Variants in CAPN6 observed in about 807,000 individuals in gnomAD.
CAPN6 encodes the protein calpain 6, also known as calpain-6.
CAPN6 carries 16 observed loss-of-function variants against 46.0 expected under a neutral mutation model. The ratio of observed to expected loss-of-function variants is 0.35; its 90% CI spans 0.24 to 0.53. The LOEUF (loss-of-function observed/expected upper bound fraction) is 0.53, where lower values mean the gene tolerates loss of function less well. Among genes scored for constraint, CAPN6 ranks in the 20% least tolerant of loss-of-function variants. The pLI is 0.94. For synonymous variants in CAPN6, 206 were observed against 172.8 expected, an observed-to-expected ratio of 1.19 and a Z score of -1.51; for missense variants, 461 against 498.0, an observed-to-expected ratio of 0.93 and a Z score of 0.71.
chrX:111,248,136 T>A, intron 10 of CAPN6, 144 bp from the exon 11 acceptor site: 1 of 565,490 alleles, frequency 1.8e-6, no homozygotes, highest in Admixed American at 3.1e-5. Context: ...TTATATATAT[T>A]TTAAGCATGC....
chrX:111,255,799 C>T (rs907391776), intron 2 of CAPN6, among the ~76,000 whole-genome samples: 1 of 111,936 alleles, frequency 8.9e-6, no homozygotes, highest in Non-Finnish European at 1.9e-5. Flanking sequence ...CATCCCTCTG[C>T]CAAAAGGAGA....
intron 4 of CAPN6, 46 bp from the exon 5 acceptor site, chrX:111,252,545 G>T: frequency 9.7e-7 from 1 of 1,029,899 alleles, no homozygotes; most frequent in Non-Finnish European, 1.3e-6. Context: ...TGTTTTTCCA[G>T]GTCAAGAACA....
Position 111,251,039 on chromosome X carries a change from G to A in CAPN6, c.1036C>T (p.Pro346Ser). The change falls in exon 8 of 13, where the codon CCT (proline) becomes TCT (serine). Residue 346 changes from proline to serine, a missense_variant. By Grantham distance (74) the Pro-to-Ser change is moderately conservative (BLOSUM62 -1). Transcript: ENST00000324068. Reference sequence around the variant, plus strand: ...TCCAGCTCCTTTCGGCCAAAAATAGGGTTGTTCACATTGCGGCAGACATTC... The same window carrying A: ...TCCAGCTCCTTTCGGCCAAAAATAGAGTTGTTCACATTGCGGCAGACATTC... ...KLNVCRNVNN[P>S]IFGRKELESV... 8.3e-7 allele frequency: 1 copy of A among 1,211,464 alleles called. No individual in the cohort carries two copies. Among genetic ancestry groups the A allele is most frequent in the Non-Finnish European group, 1.1e-6 (1 of 895,407 alleles).
Position 111,254,280 on chromosome X carries a change from A to G in CAPN6, c.289T>C (p.Trp97Arg). ...FSCLAVQESH[W>R]TKTIPNHKEQ... ...CACAGGAGGGATAATACCTTTGTCCAATGAGACTCCTGAACAGCCAAACAG... is the reference window on the plus strand; with the variant it reads ...CACAGGAGGGATAATACCTTTGTCCGATGAGACTCCTGAACAGCCAAACAG... Residue 97 changes from tryptophan to arginine, a missense_variant, in exon 3 of 13, where the codon TGG becomes CGG. By Grantham distance (101) the Trp-to-Arg change is moderately radical. Transcript: ENST00000324068. 1 of 1,207,633 alleles carries G rather than the reference A, an allele frequency of 8.3e-7. No homozygotes were observed.
chrX:111,264,031 CG>C (rs930408206), intron 1 of CAPN6, 80 bp from the exon 2 acceptor site: 33 of 627,179 alleles, frequency 5.3e-5, no homozygotes, highest in Non-Finnish European at 7.3e-5. Flanking sequence ...GACAAACAGC[CG>C]TCATCCCAGT....
intron 2 of CAPN6, among the ~76,000 whole-genome samples, chrX:111,258,915 A>C (rs1219635989): frequency 3.6e-5 from 4 of 112,606 alleles, no homozygotes; most frequent in Non-Finnish European, 7.5e-5. Context: ...TCTTGAGAAC[A>C]TTATGCTAAG....
At chrX:111,265,545 AG>A (rs2094991130) in intron 1 of CAPN6, among the ~76,000 whole-genome samples, 2 of 112,168 alleles carry the variant, frequency 1.8e-5, no homozygotes, top group African/African-American at 6.5e-5. Flanking sequence ...GGATGGTATC[AG>A]TAAAAATTTT....
chrX:111,259,334 G>A (rs1269504984), intron 2 of CAPN6, among the ~76,000 whole-genome samples: 1 of 112,579 alleles, frequency 8.9e-6, no homozygotes, highest in Non-Finnish European at 1.9e-5. Flanking sequence ...CTCACATGGG[G>A]TGATATAGTC....
intron 11 of CAPN6, 89 bp from the exon 12 acceptor site, chrX:111,247,593 G>A (rs1569480591): frequency 1.0e-6 from 1 of 960,750 alleles, no homozygotes; most frequent in Non-Finnish European, 1.4e-6. Flanking sequence ...CCAATTCTGG[G>A]ACTTTCAGCA....
intron 3 of CAPN6, among the ~76,000 whole-genome samples, chrX:111,254,063 G>A (rs1262163174): frequency 8.9e-6 from 1 of 112,049 alleles, no homozygotes; most frequent in Non-Finnish European, 1.9e-5. Context: ...GAATCTAGGT[G>A]GGTATATGAG....
At chrX:111,268,744 A>T (rs1311741194) in intron 1 of CAPN6, among the ~76,000 whole-genome samples, 4 of 112,617 alleles carry the variant, frequency 3.6e-5, no homozygotes, top group African/African-American at 1.3e-4. Context: ...TCAAGAATCA[A>T]ATTCTGATTT....
intron 4 of CAPN6, 33 bp from the exon 5 acceptor site, chrX:111,252,532 A>T (rs2094980503): frequency 8.9e-7 from 1 of 1,127,139 alleles, no homozygotes; most frequent in Non-Finnish European, 1.2e-6. Context: ...ATCTTTGTAA[A>T]ATTGTTTTTC....
Position 111,251,159 on chromosome X carries a change from T to G in CAPN6, c.971+50A>C, listed in dbSNP as rs367681454. Reference sequence around the variant, plus strand: ...AGATGGTATTTAATACTTAACACTGTAGTTCCATGTAGAAGCCCCAATTCC... The same window carrying G: ...AGATGGTATTTAATACTTAACACTGGAGTTCCATGTAGAAGCCCCAATTCC... On this transcript the variant is annotated intron_variant, in intron 7 of 12. Coordinates refer to ENST00000324068, the MANE Select transcript of CAPN6 (RefSeq NM_014289.4). 22 of 1,198,483 alleles carry G rather than the reference T, an allele frequency of 1.8e-5. No individual in the cohort carries two copies. In the African/African-American group the frequency reaches 3.7e-4, roughly 20 times the overall value.
chrX:111,261,527 C>T (rs905518736), intron 2 of CAPN6, among the ~76,000 whole-genome samples: 1 of 112,428 alleles, frequency 8.9e-6, no homozygotes, highest in South Asian at 3.7e-4. Flanking sequence ...TTCAGCCTCT[C>T]TCTCTGATTT....
chrX:111,251,790 A>G lies in CAPN6; in HGVS notation c.700-48T>C, dbSNP rs759914782. The G allele has an allele frequency of 1.5e-5, 15 of 1,016,433 alleles. No individual in the cohort carries two copies. In the East Asian group the frequency reaches 3.7e-4, roughly 25 times the overall value. The allele number at this position is 1,016,433 out of a possible 1,213,427, so 83.8% of individuals were successfully genotyped here. Reference sequence around the variant, plus strand: ...AAAGGCACAGGAATTGGGAGACCCAATCCTGACTCCTCTTCTTCATTAATT... The same window carrying G: ...AAAGGCACAGGAATTGGGAGACCCAGTCCTGACTCCTCTTCTTCATTAATT... On this transcript the variant is annotated intron_variant, in intron 5 of 12. Coordinates refer to ENST00000324068, the MANE Select transcript of CAPN6 (RefSeq NM_014289.4).
In CAPN6 at chrX:111,246,488, C is replaced by A. The variant is rs1473257127; in HGVS notation, c.*89G>T. The A allele has an allele frequency of 6.6e-6, 5 of 762,114 alleles. No individual in the cohort carries two copies. Among genetic ancestry groups the A allele is most frequent in the Non-Finnish European group, 9.8e-6 (5 of 512,775 alleles). The allele number at this position is 762,114 out of a possible 1,213,427, so 62.8% of individuals were successfully genotyped here. ...TTAATTATTGTGAATCTCATTCTTT[C>A]TAAAGATTGTGAATCTTAACTAAGA... On this transcript the variant is annotated 3_prime_UTR_variant, in exon 13 of 13. Transcript: ENST00000324068.
intron 2 of CAPN6, among the ~76,000 whole-genome samples, chrX:111,263,474 C>T (rs1219706488): frequency 9.0e-6 from 1 of 111,379 alleles, no homozygotes; most frequent in African/African-American, 3.3e-5. Flanking sequence ...GAGCACAGAT[C>T]CATGGAACTT....
At chrX:111,261,532 T>C (rs2094987943) in intron 2 of CAPN6, among the ~76,000 whole-genome samples, 1 of 112,489 alleles carries the variant, frequency 8.9e-6, no homozygotes, top group Non-Finnish European at 1.9e-5. Context: ...CCTCTCTCTC[T>C]GATTTTCTCT....
intron 10 of CAPN6, 78 bp downstream of exon 10, chrX:111,248,491 G>A: frequency 5.7e-6 from 4 of 706,030 alleles, no homozygotes; most frequent in African/African-American, 2.1e-5. Flanking sequence ...TGTCTGAAGA[G>A]GGGAGACGGG....
Sources: allele counts gnomAD v4.1 joint callset (sites outside exome capture counted in the v4.1 genomes callset), GRCh38; gene constraint gnomAD v4.1.1; transcripts MANE v1.5; gene names NCBI Gene and HGNC (gene_info 2026-07-23, HGNC 2026-07-21).